The following RBFOX1 variants were observed in gnomAD, a reference collection of about 807,000 sequenced individuals.
The protein encoded by RBFOX1 is RNA binding protein fox-1 homolog 1.
A neutral mutation model predicts 57.7 loss-of-function variants in RBFOX1; 8 were observed. The ratio of observed to expected loss-of-function variants is 0.14; its 90% CI spans 0.08 to 0.25. The LOEUF is 0.25. Among genes scored for constraint, RBFOX1 ranks in the 10% least tolerant of loss-of-function variants. The pLI, the probability that RBFOX1 is intolerant of heterozygous loss-of-function variation, is 1.00. For synonymous variants in RBFOX1, 326 were observed against 222.4 expected, an observed-to-expected ratio of 1.47 and a Z score of -4.15; for missense variants, 611 against 548.5, an observed-to-expected ratio of 1.11 and a Z score of -1.14.
At chr16:5,569,259 A>C (rs999435098) in intron 2 of RBFOX1, among the ~76,000 whole-genome samples, 2 of 151,892 alleles carry the variant, frequency 1.3e-5, no homozygotes, top group Non-Finnish European at 2.9e-5. Context: ...ACCCCGGTGT[A>C]GATGTTGGAG....
At chr16:7,321,980 G>C (rs541405170) in intron 4 of RBFOX1, among the ~76,000 whole-genome samples, 2 of 152,178 alleles carry the variant, frequency 1.3e-5, no homozygotes, top group Non-Finnish European at 2.9e-5. Context: ...TTGGTTCTGG[G>C]TCCCTCACAT....
At chr16:6,823,145 C>T (rs553625306) in intron 3 of RBFOX1, among the ~76,000 whole-genome samples, 2 of 152,264 alleles carry the variant, frequency 1.3e-5, no homozygotes, top group Admixed American at 6.5e-5. Context: ...TGATAGAAGC[C>T]AGGACCATCT....
At chr16:5,411,229 G>A (rs545300554) in intron 1 of RBFOX1, among the ~76,000 whole-genome samples, 1 of 152,208 alleles carries the variant, frequency 6.6e-6, no homozygotes, top group Non-Finnish European at 1.5e-5. Context: ...CATGGCGAAA[G>A]GGACTTTGCA....
At chr16:7,701,174 G>A (rs1220173405) in intron 14 of RBFOX1, among the ~76,000 whole-genome samples, 1 of 152,078 alleles carries the variant, frequency 6.6e-6, no homozygotes, top group Non-Finnish European at 1.5e-5. Context: ...ACAGAGCCAA[G>A]TAGAGATGAC....
At chr16:5,502,829 G>T (rs1429230310) in intron 2 of RBFOX1, among the ~76,000 whole-genome samples, 2 of 152,162 alleles carry the variant, frequency 1.3e-5, no homozygotes, top group African/African-American at 2.4e-5. Context: ...CGTCTCAGGG[G>T]ACCCTGAGAA....
chr16:5,763,666 T>G (rs1312625994), intron 3 of RBFOX1, among the ~76,000 whole-genome samples: 4 of 152,218 alleles, frequency 2.6e-5, no homozygotes, highest in African/African-American at 4.8e-5. Flanking sequence ...GAGGGAATAT[T>G]TTGAAAACTT....
At chr16:7,444,109 T>C (rs963197078) in intron 4 of RBFOX1, among the ~76,000 whole-genome samples, 16 of 152,254 alleles carry the variant, frequency 1.1e-4, no homozygotes, top group African/African-American at 3.9e-4. Flanking sequence ...ATGAATCACG[T>C]TATTATACTA....
At chr16:7,067,141 C>G (rs999973862) in intron 4 of RBFOX1, among the ~76,000 whole-genome samples, 7 of 152,188 alleles carry the variant, frequency 4.6e-5, no homozygotes, top group Admixed American at 4.6e-4. Flanking sequence ...ATGCTTGTGA[C>G]ATGGGCCCGG....
At chr16:5,693,782 C>G (rs560039867) in intron 3 of RBFOX1, among the ~76,000 whole-genome samples, 1 of 152,310 alleles carries the variant, frequency 6.6e-6, no homozygotes, top group Non-Finnish European at 1.5e-5. Context: ...ATTCCTTCCT[C>G]TCCCTTCTTA....
At chr16:7,709,264 AATGCCAC>A in intron 15 of RBFOX1, 133 bp downstream of exon 15, 1 of 990,190 alleles carries the variant, frequency 1.0e-6, no homozygotes, top group Non-Finnish European at 1.5e-6. Flanking sequence ...CAGCAGCTAA[AATGCCAC>A]ATTAATCCTC....
At chr16:6,568,303 C>T (rs914129560) in intron 2 of RBFOX1, among the ~76,000 whole-genome samples, 1 of 152,150 alleles carries the variant, frequency 6.6e-6, no homozygotes, top group African/African-American at 2.4e-5. Context: ...AGTACTGCTT[C>T]TAGACTCACT....
At chr16:5,887,466 A>G (rs548309528) in intron 4 of RBFOX1, among the ~76,000 whole-genome samples, 1 of 152,148 alleles carries the variant, frequency 6.6e-6, no homozygotes, top group African/African-American at 2.4e-5. Context: ...CAGTGGTGCA[A>G]TCTCAGCTAA....
At chr16:6,578,135 G>A (rs185537736) in intron 2 of RBFOX1, among the ~76,000 whole-genome samples, 8 of 152,244 alleles carry the variant, frequency 5.3e-5, no homozygotes, top group Admixed American at 1.3e-4. Flanking sequence ...CAAGTAAAAC[G>A]ACCAGTTACC....
At position 7,363,248 on chromosome 16, in the gene RBFOX1, C is replaced by T. The variant is rs151268398; in HGVS notation, c.28-154899C>T. 5.9e-5 allele frequency among the ~76,000 whole-genome samples: 9 copies of T among 152,240 alleles called. No individual in the cohort carries two copies. In the East Asian group the frequency reaches 1.5e-3, roughly 26 times the overall value. Reference sequence around the variant, plus strand: ...TCTGGGTTCTTTGTCTGTTGTGTTACTGGGCGGGGGGAAAACCTCCAGATA... The same window carrying T: ...TCTGGGTTCTTTGTCTGTTGTGTTATTGGGCGGGGGGAAAACCTCCAGATA... On this transcript the variant is annotated intron_variant, in intron 4 of 15. Transcript: ENST00000550418.
chr16:6,509,730 A>G (rs752139106), intron 2 of RBFOX1, among the ~76,000 whole-genome samples: 1 of 152,202 alleles, frequency 6.6e-6, no homozygotes, highest in Non-Finnish European at 1.5e-5. Context: ...GCTTAAGGAG[A>G]TGGAGACCCA....
rs574876207 is a variant in RBFOX1 at position 5,946,735 on chromosome 16, C to G, written c.351+79400C>G. 5.3e-5 allele frequency among the ~76,000 whole-genome samples: 8 copies of G among 152,290 alleles called. No individual in the cohort carries two copies. In the East Asian group the frequency reaches 1.5e-3, roughly 29 times the overall value. On this transcript the variant is annotated intron_variant, in intron 4 of 19. Transcript: ENST00000641259. The surrounding 1 kb of genome is among the most constrained non-coding windows in gnomAD (Gnocchi z 4.6). ...AGGCTTGCTCTGAAGTGGGGCCAGT[C>G]TTGTGGGACTGGGCCCTCAACCTGT...
chr16:6,770,683 C>T (rs2078141234), intron 3 of RBFOX1, among the ~76,000 whole-genome samples: 1 of 152,066 alleles, frequency 6.6e-6, no homozygotes, highest in South Asian at 2.1e-4. Flanking sequence ...CCACAAAGTT[C>T]TCCGTCTGCC....
intron 3 of RBFOX1, among the ~76,000 whole-genome samples, chr16:6,956,620 C>G (rs982845304): frequency 2.6e-5 from 4 of 152,158 alleles, no homozygotes; most frequent in Admixed American, 1.3e-4. Flanking sequence ...AATCCACAGC[C>G]CGTCTTCCCT....
intron 3 of RBFOX1, among the ~76,000 whole-genome samples, chr16:6,910,482 C>G (rs2071282090): frequency 6.6e-6 from 1 of 152,160 alleles, no homozygotes; most frequent in Non-Finnish European, 1.5e-5. Context: ...TGGGTGATTC[C>G]CCACTTGTGT....
Sources: gnomAD v4.1 joint callset for allele counts (sites outside exome capture counted in the v4.1 genomes callset) on GRCh38, gnomAD v4.1.1 for gene constraint, Gnocchi (gnomAD v3.1) non-coding constraint, MANE v1.5 for transcripts, NCBI Gene and HGNC (gene_info 2026-07-23, HGNC 2026-07-21) for gene names.